The following PPARGC1A variants were observed in gnomAD, a reference collection of about 807,000 sequenced individuals.
PPARGC1A encodes the protein peroxisome proliferator-activated receptor gamma coactivator 1-alpha.
A neutral mutation model predicts 88.7 loss-of-function variants in PPARGC1A; 25 were observed. The observed-to-expected ratio is 0.28, with a 90% CI of 0.21 to 0.39. The LOEUF (loss-of-function observed/expected upper bound fraction) is 0.39. PPARGC1A is among the 10% of genes least tolerant of loss of function. The pLI is 1.00. For missense variants in PPARGC1A, 880 were observed against 968.7 expected (o/e 0.91, Z 1.22); for synonymous variants, 363 against 355.6 (o/e 1.02, Z -0.24).
At chr4:24,174,322 T>C in the PPARGC1A span, among the ~76,000 whole-genome samples, 14 of 152,192 alleles carry the variant, frequency 9.2e-5, no homozygotes, top group Non-Finnish European at 1.8e-4. Context: ...GAGACGCTTA[T>C]TAAACGCCCA....
the PPARGC1A span, among the ~76,000 whole-genome samples, chr4:24,412,857 G>C: frequency 6.6e-6 from 1 of 152,112 alleles, no homozygotes; most frequent in African/African-American, 2.4e-5. Flanking sequence ...GTGCCAGTTG[G>C]GTTGAGTGGT....
the PPARGC1A span, among the ~76,000 whole-genome samples, chr4:24,343,209 T>C: frequency 5.3e-5 from 8 of 152,218 alleles, no homozygotes; most frequent in African/African-American, 1.7e-4. Flanking sequence ...GTCAATGACA[T>C]GGCAATCAAT....
At chr4:24,103,595 C>CAAAAAAAAAAA in the PPARGC1A span, among the ~76,000 whole-genome samples, 4 of 121,582 alleles carry the variant, frequency 3.3e-5, no homozygotes, top group African/African-American at 1.3e-4. Flanking sequence ...TGCCTTCTTC[C>CAAAAAAAAAAA]AAAAAAAAAA....
the PPARGC1A span, among the ~76,000 whole-genome samples, chr4:23,919,869 G>A: frequency 1.3e-5 from 2 of 152,280 alleles, no homozygotes; most frequent in African/African-American, 4.8e-5. Context: ...GGATCAAATC[G>A]GAAGAATCAA....
At chr4:23,839,221 G>A (rs1726598669) in intron 2 of PPARGC1A, among the ~76,000 whole-genome samples, 1 of 152,100 alleles carries the variant, frequency 6.6e-6, no homozygotes, top group Non-Finnish European at 1.5e-5. Context: ...GTGAAATTCA[G>A]TATTCTGTAG....
intron 2 of PPARGC1A, among the ~76,000 whole-genome samples, chr4:23,859,575 A>G (rs1053478421): frequency 5.3e-5 from 8 of 152,066 alleles, no homozygotes; most frequent in Admixed American, 1.3e-4. Flanking sequence ...AGGTCAGGAG[A>G]TCGAGACCAT....
chr4:24,008,200 C>T, the PPARGC1A span, among the ~76,000 whole-genome samples: 1 of 152,158 alleles, frequency 6.6e-6, no homozygotes, highest in African/African-American at 2.4e-5. Context: ...AACTCTCCAG[C>T]ACTGAGTCAA....
At chr4:23,915,729 T>C in the PPARGC1A span, among the ~76,000 whole-genome samples, 9 of 152,154 alleles carry the variant, frequency 5.9e-5, no homozygotes, top group South Asian at 1.9e-3. Flanking sequence ...CAGGAGAAAT[T>C]TATCATGAAG....
chr4:24,158,060 T>TC, the PPARGC1A span, among the ~76,000 whole-genome samples: 2 of 142,552 alleles, frequency 1.4e-5, no homozygotes, highest in South Asian at 2.6e-4. Flanking sequence ...CACTTTTCCT[T>TC]CCCCCCTCCC....
At position 23,808,428 on chromosome 4, in the gene PPARGC1A, T is replaced by C. The variant is rs566477636; in HGVS notation, c.2019+4319A>G. On this transcript the variant is annotated intron_variant, in intron 10 of 12. Coordinates refer to ENST00000264867, the MANE Select transcript of PPARGC1A (RefSeq NM_013261.5). ...CACATCTAGTTTTGGTTTTGAGTGC[T>C]GAGCCATATCACAATGTCTAGATTT... Among the ~76,000 whole-genome samples, 10 of 152,276 alleles carry C rather than the reference T, an allele frequency of 6.6e-5. No homozygotes were observed. In the East Asian group the frequency reaches 1.9e-3, roughly 29 times the overall value.
upstream of PPARGC1A, chr4:23,899,331 A>G (rs1719016028): frequency 6.6e-6 from 1 of 152,190 alleles, no homozygotes; most frequent in Non-Finnish European, 1.5e-5. Flanking sequence ...GACATCATTC[A>G]ATGTTATTTA....
chr4:23,979,837 T>C, the PPARGC1A span, among the ~76,000 whole-genome samples: 2 of 152,164 alleles, frequency 1.3e-5, no homozygotes, highest in African/African-American at 4.8e-5. Context: ...TCTTTAGTGC[T>C]ATTGCTGAGG....
the PPARGC1A span, among the ~76,000 whole-genome samples, chr4:24,392,079 A>G: frequency 6.6e-6 from 1 of 152,196 alleles, no homozygotes; most frequent in East Asian, 1.9e-4. Flanking sequence ...TTCCTATAGA[A>G]AACCTGATAG....
the PPARGC1A span, among the ~76,000 whole-genome samples, chr4:24,238,562 C>T: frequency 6.6e-6 from 1 of 152,148 alleles, no homozygotes; most frequent in East Asian, 1.9e-4. Context: ...ATCTCAACAG[C>T]ATTGCAGCAC....
In PPARGC1A at chr4:23,794,137, T is replaced by C. The variant is rs964142553; in HGVS notation, c.*1685A>G. ...ATACTATAATTATTACCTCAGCATT[T>C]TGTATCAAATTAAAATCACAAAAAT... On this transcript the variant is annotated 3_prime_UTR_variant, in exon 13 of 13. Transcript: ENST00000264867. 1 of 152,610 alleles carries C rather than the reference T, an allele frequency of 6.6e-6. No individual in the cohort carries two copies. Among genetic ancestry groups the C allele is most frequent in the African/African-American group, 2.4e-5 (1 of 41,456 alleles). The allele number at this position is 152,610 out of a possible 1,614,324, so 9.5% of individuals were successfully genotyped here.
chr4:23,861,483 T>C (rs1577552274), intron 2 of PPARGC1A, among the ~76,000 whole-genome samples: 1 of 152,182 alleles, frequency 6.6e-6, no homozygotes, highest in African/African-American at 2.4e-5. Context: ...ATGGACATAA[T>C]GTTGAACTAG....
the PPARGC1A span, among the ~76,000 whole-genome samples, chr4:24,390,510 T>C: frequency 6.6e-6 from 1 of 152,158 alleles, no homozygotes; most frequent in African/African-American, 2.4e-5. Context: ...GTTTTTTATA[T>C]GCATGTTATG....
At chr4:23,958,323 G>A in the PPARGC1A span, among the ~76,000 whole-genome samples, 2 of 152,042 alleles carry the variant, frequency 1.3e-5, no homozygotes, top group South Asian at 2.1e-4. Flanking sequence ...CTTATTAGAT[G>A]TTCAGAAAAC....
chr4:24,417,492 A>C, the PPARGC1A span, among the ~76,000 whole-genome samples: 4 of 152,236 alleles, frequency 2.6e-5, no homozygotes, highest in African/African-American at 9.6e-5. Context: ...TAAATTTCAC[A>C]ACCTCTCTGG....
Sources: allele counts gnomAD v4.1 joint callset (sites outside exome capture counted in the v4.1 genomes callset), GRCh38; gene constraint gnomAD v4.1.1; transcripts MANE v1.5; gene names NCBI Gene and HGNC (gene_info 2026-07-23, HGNC 2026-07-21).